ADAM12: variants seen among roughly 807,000 people sequenced by gnomAD.
ADAM12 encodes ADAM metallopeptidase domain 12.
Under a neutral mutation model 106.4 loss-of-function variants are expected in ADAM12, and 70 were observed. The observed-to-expected ratio is 0.66, with a 90% confidence interval of 0.54 to 0.80. The LOEUF is 0.80. Among genes scored for constraint, ADAM12 ranks in the 30% least tolerant of loss-of-function variants. The probability of loss-of-function intolerance (pLI) is 0.00; values close to 1 mark genes in which losing one functional copy is unlikely to be tolerated. For missense variants in ADAM12, 1,010 were observed against 1,171.9 expected (o/e 0.86, Z 2.02); for synonymous variants, 420 against 433.5 (o/e 0.97, Z 0.39).
chr10:126,108,494 G>A, intron 8 of ADAM12, 99 bp downstream of exon 8: 9 of 1,099,092 alleles, frequency 8.2e-6, no homozygotes, highest in Non-Finnish European at 1.2e-5. Flanking sequence ...AGGCCCAGAG[G>A]CAGAACCTCA....
chr10:126,191,356 T>G (rs1332969324), intron 3 of ADAM12, among the ~76,000 whole-genome samples: 1 of 152,062 alleles, frequency 6.6e-6, no homozygotes, highest in Non-Finnish European at 1.5e-5. Flanking sequence ...GCGTTAATCC[T>G]TCCAGCTGCT....
chr10:126,315,993 C>T (rs958065076), intron 2 of ADAM12, among the ~76,000 whole-genome samples: 20 of 152,332 alleles, frequency 1.3e-4, no homozygotes, highest in Non-Finnish European at 2.4e-4. Flanking sequence ...GCAATGCAAA[C>T]GCATTCCTAT....
At chr10:126,259,271 A>T (rs1020493876) in intron 3 of ADAM12, among the ~76,000 whole-genome samples, 6 of 152,170 alleles carry the variant, frequency 3.9e-5, no homozygotes, top group Non-Finnish European at 8.8e-5. Context: ...CTAGTGAAAT[A>T]AATAACCTTC....
chr10:126,093,668 G>A (rs537014839), intron 11 of ADAM12, among the ~76,000 whole-genome samples: 23 of 152,332 alleles, frequency 1.5e-4, no homozygotes, highest in Middle Eastern at 6.8e-3. Context: ...AGCTGGAGCC[G>A]TAGGCTCAAA....
At position 126,086,704 on chromosome 10, in the gene ADAM12, T is replaced by TATATATATATATATAA. The variant is rs752355130; in HGVS notation, c.1145+7280_1145+7281insTTATATATATATATAT. Among the ~76,000 whole-genome samples, 74 of 64,158 alleles carry TATATATATATATATAA rather than the reference T, an allele frequency of 1.2e-3. 1 individual carries two copies. Among genetic ancestry groups the TATATATATATATATAA allele is most frequent in the East Asian group, 4.7e-3 (9 of 1,920 alleles). 42.1% of individuals were successfully genotyped at this position (64,158 alleles called of 152,430 possible). On this transcript the variant is annotated intron_variant, in intron 11 of 22. Transcript: ENST00000448723. The stretch of plus-strand genomic sequence containing the variant: ...AAATATATATATATATATATATATA[T>TATATATATATATATAA]ATAAAATAAAATAGGTATAGTCATG...
intron 2 of ADAM12, among the ~76,000 whole-genome samples, chr10:126,287,333 T>C (rs1959915152): frequency 6.6e-6 from 1 of 152,056 alleles, no homozygotes; most frequent in Non-Finnish European, 1.5e-5. Flanking sequence ...AAGAGGGAAA[T>C]GAAAACATGA....
At chr10:126,130,953 T>C (rs1355034146) in intron 5 of ADAM12, among the ~76,000 whole-genome samples, 1 of 152,198 alleles carries the variant, frequency 6.6e-6, no homozygotes, top group Non-Finnish European at 1.5e-5. Flanking sequence ...AAGAATCTGA[T>C]AGCCCTATAA....
chr10:126,249,884 C>A (rs1053424973), intron 3 of ADAM12, among the ~76,000 whole-genome samples: 30 of 152,296 alleles, frequency 2.0e-4, no homozygotes, highest in Middle Eastern at 3.4e-3. Context: ...ATTATTGGAG[C>A]ACACACCATG....
chr10:126,083,160 T>G (rs1383344624), intron 11 of ADAM12, among the ~76,000 whole-genome samples: 1 of 152,212 alleles, frequency 6.6e-6, no homozygotes, highest in African/African-American at 2.4e-5. Context: ...GAGCCACCAT[T>G]TGTTTAGTGA....
At chr10:126,158,425 CAGAGCACGG>C in intron 3 of ADAM12, among the ~76,000 whole-genome samples, 1 of 89,040 alleles carries the variant, frequency 1.1e-5, no homozygotes, top group Non-Finnish European at 2.2e-5. Context: ...AGAGGATGCA[CAGAGCACGG>C]GGAGGATGCA....
intron 2 of ADAM12, among the ~76,000 whole-genome samples, chr10:126,284,135 C>T (rs572934137): frequency 1.3e-5 from 2 of 152,080 alleles, no homozygotes; most frequent in South Asian, 2.1e-4. Flanking sequence ...GCCTTTGAGA[C>T]CAGCCTGGCC....
At chr10:126,259,616 C>G (rs1958959566) in intron 3 of ADAM12, among the ~76,000 whole-genome samples, 2 of 152,162 alleles carry the variant, frequency 1.3e-5, no homozygotes, top group Non-Finnish European at 2.9e-5. Context: ...ATTTGATGTC[C>G]TGATTTCCTT....
chr10:126,132,607 T>A (rs1425561433), intron 5 of ADAM12, among the ~76,000 whole-genome samples: 2 of 149,820 alleles, frequency 1.3e-5, no homozygotes, highest in Non-Finnish European at 1.5e-5. Context: ...GGCACAGGGC[T>A]TGGCTTTCCT....
intron 2 of ADAM12, among the ~76,000 whole-genome samples, chr10:126,307,595 C>T (rs1960905666): frequency 6.6e-6 from 1 of 152,122 alleles, no homozygotes; most frequent in Non-Finnish European, 1.5e-5. Flanking sequence ...GGCTGGAGTG[C>T]AGTGGCGCGA....
intron 1 of ADAM12, among the ~76,000 whole-genome samples, chr10:126,355,741 G>A (rs1855516262): frequency 6.6e-6 from 1 of 152,202 alleles, no homozygotes; most frequent in Admixed American, 6.5e-5. Flanking sequence ...AATGCTCGAG[G>A]TAGCGGCATG....
At chr10:126,296,800 C>T (rs1210026031) in intron 2 of ADAM12, among the ~76,000 whole-genome samples, 1 of 152,216 alleles carries the variant, frequency 6.6e-6, no homozygotes. Flanking sequence ...TACCAGGTTT[C>T]CCTATCGGGG....
chr10:126,064,312 C>G lies in ADAM12; in HGVS notation c.1609+494G>C, dbSNP rs1590358158. 6.6e-6 allele frequency among the ~76,000 whole-genome samples: 1 copy of G among 152,178 alleles called. No individual in the cohort carries two copies. The highest frequency in any genetic ancestry group is 2.1e-4 in the South Asian group (1 of 4,824). On this transcript the variant is annotated intron_variant, in intron 14 of 22. Transcript: ENST00000448723. This position sits in a 1 kb window ranked among gnomAD's most constrained non-coding sequence, Gnocchi z 4.4. The stretch of plus-strand genomic sequence containing the variant: ...GCCTTCCCCATGGAGCCCTGGGCCC[C>G]TCACTTGGTTGGGGTCCTCTTATGA...
chr10:126,087,814 G>T (rs982953502), intron 11 of ADAM12, among the ~76,000 whole-genome samples: 3 of 151,710 alleles, frequency 2.0e-5, no homozygotes, highest in Admixed American at 6.6e-5. Flanking sequence ...GCCCTTGGGG[G>T]ATTTTTTTCA....
At chr10:126,347,594 A>C (rs1022206074) in intron 1 of ADAM12, among the ~76,000 whole-genome samples, 1 of 152,202 alleles carries the variant, frequency 6.6e-6, no homozygotes, top group Non-Finnish European at 1.5e-5. Flanking sequence ...AATCATTATA[A>C]AGAGAAAGCC....
Sources: allele counts gnomAD v4.1 joint callset (sites outside exome capture counted in the v4.1 genomes callset), GRCh38; gene constraint gnomAD v4.1.1; non-coding constraint Gnocchi (gnomAD v3.1); transcripts MANE v1.5; gene names NCBI Gene and HGNC (gene_info 2026-07-23, HGNC 2026-07-21).